The following SLC47A2 variants were observed in gnomAD, a reference collection of about 807,000 sequenced individuals.
SLC47A2 encodes multidrug and toxin extrusion protein 2.
A neutral mutation model predicts 67.7 loss-of-function variants in SLC47A2; 52 were observed. The ratio of observed to expected loss-of-function variants is 0.77; its 90% confidence interval spans 0.61 to 0.97. The LOEUF is 0.97. SLC47A2 is among the 50% of genes least tolerant of loss of function. The pLI, the probability that SLC47A2 is intolerant of heterozygous loss-of-function variation, is 0.00. For missense variants in SLC47A2, 676 were observed against 712.3 expected, an observed-to-expected ratio of 0.95 and a Z score of 0.58; for synonymous variants, 278 against 292.9, an observed-to-expected ratio of 0.95 and a Z score of 0.52.
At chr17:19,709,177 T>C (rs2086029930) in intron 5 of SLC47A2, among the ~76,000 whole-genome samples, 1 of 152,184 alleles carries the variant, frequency 6.6e-6, no homozygotes, top group Non-Finnish European at 1.5e-5. Flanking sequence ...GATTTGAAGG[T>C]GTGACTTCGG....
At chr17:19,714,010 T>C in intron 3 of SLC47A2, 37 bp from the exon 4 acceptor site, 3 of 1,591,992 alleles carry the variant, frequency 1.9e-6, no homozygotes, top group Non-Finnish European at 2.6e-6. Flanking sequence ...CCGTTTCCAC[T>C]GCCCGGGACA....
At chr17:19,702,956 C>T in intron 12 of SLC47A2, 136 bp downstream of exon 12, 1 of 1,021,436 alleles carries the variant, frequency 9.8e-7, no homozygotes, top group Admixed American at 2.2e-5. Flanking sequence ...TTGGCTTCCT[C>T]TCAGTGAGAG....
rs145253907 is a variant in SLC47A2, at chr17:19,697,862, T to C, written c.1164+4743A>G. Among the ~76,000 whole-genome samples the C allele has an allele frequency of 3.8e-3, 582 of 152,144 alleles. 3 individuals carry two copies. The highest frequency in any genetic ancestry group is 0.012 in the African/African-American group (517 of 41,496). ...CTCTTTCTTTAGCCTCCCAAAGTGA[T>C]GGTTTTATAGACTTGAGTCATCACA... On this transcript the variant is annotated intron_variant, in intron 13 of 16. Coordinates refer to ENST00000433844, the MANE Select transcript of SLC47A2 (RefSeq NM_001099646.3).
At chr17:19,714,611 T>C in intron 3 of SLC47A2, 110 bp downstream of exon 3, 1 of 1,308,470 alleles carries the variant, frequency 7.6e-7, no homozygotes, top group Non-Finnish European at 1.1e-6. Flanking sequence ...CCAGGGCCCA[T>C]TGCTCCCAGA....
chr17:19,702,675 C>T lies in SLC47A2; in HGVS notation c.1095-1G>A, dbSNP rs750175660. 6.2e-7 allele frequency: 1 copy of T among 1,613,962 alleles called. No homozygotes were observed. The highest frequency in any genetic ancestry group is 8.5e-7 in the Non-Finnish European group (1 of 1,179,970). On this transcript the variant is annotated splice_acceptor_variant, in intron 12 of 16. Coordinates refer to ENST00000433844, the MANE Select transcript of SLC47A2 (RefSeq NM_001099646.3). LOFTEE classifies it high-confidence loss of function. ...CTGGCTCACCAGGGCAATGACATCT[C>T]TGCAGAAGAAATGAGAAAGCATTAA... is the stretch of plus-strand genomic sequence containing the variant.
At chr17:19,689,047 A>G (rs2085485995) in intron 13 of SLC47A2, among the ~76,000 whole-genome samples, 1 of 151,816 alleles carries the variant, frequency 6.6e-6, no homozygotes, top group Non-Finnish European at 1.5e-5. Context: ...TTATTTTAGT[A>G]GAGATGTACC....
chr17:19,696,677 A>G (rs1209318616), intron 13 of SLC47A2, among the ~76,000 whole-genome samples: 1 of 152,202 alleles, frequency 6.6e-6, no homozygotes, highest in African/African-American at 2.4e-5. Context: ...GGTCTCCAGA[A>G]CTGTAAGACA....
In SLC47A2 at chr17:19,681,646, C is replaced by T. The variant is rs761275367; in HGVS notation, c.1189G>A (p.Gly397Arg). ...ICCVYGGVLR[G>R]TGKQAFGAAV... Reference sequence around the variant, plus strand: ...GCACCAAAGGCCTGCTTCCCAGTTCCTCTCAGAACTCCGCCATAGACACAC... The same window carrying T: ...GCACCAAAGGCCTGCTTCCCAGTTCTTCTCAGAACTCCGCCATAGACACAC... Residue 397 changes from glycine (G) to arginine (R), a missense_variant, in exon 14 of 17, where the codon GGA becomes AGA. By Grantham distance (125) the Gly-to-Arg change is moderately radical. Transcript: ENST00000433844. The T allele has an allele frequency of 5.6e-6, 9 of 1,613,824 alleles. No homozygotes were observed. The highest frequency in any genetic ancestry group is 6.8e-6 in the Non-Finnish European group (8 of 1,179,752).
intron 5 of SLC47A2, among the ~76,000 whole-genome samples, chr17:19,710,849 TTG>T (rs2086074774): frequency 6.6e-6 from 1 of 150,984 alleles, no homozygotes; most frequent in South Asian, 2.1e-4. Flanking sequence ...AGTTTCACTC[TTG>T]TGAGGCTGGA....
At chr17:19,710,811 C>G (rs370071625) in intron 5 of SLC47A2, among the ~76,000 whole-genome samples, 2 of 142,160 alleles carry the variant, frequency 1.4e-5, no homozygotes, top group South Asian at 4.7e-4. Flanking sequence ...TACACATTCA[C>G]AAATCTTTTT....
intron 4 of SLC47A2, 42 bp from the exon 5 acceptor site, chr17:19,712,787 C>A: frequency 6.2e-7 from 1 of 1,600,108 alleles, no homozygotes; most frequent in Non-Finnish European, 8.5e-7. Flanking sequence ...CAGGCTGTGG[C>A]CCGGGGAGGC....
At chr17:19,705,280 TA>T in intron 10 of SLC47A2, 155 bp downstream of exon 10, 2 of 650,744 alleles carry the variant, frequency 3.1e-6, no homozygotes, top group Non-Finnish European at 5.1e-6. Flanking sequence ...AGTCCTGGCG[TA>T]AGCTGAGCAG....
chr17:19,693,724 G>T (rs2085595977), intron 13 of SLC47A2, among the ~76,000 whole-genome samples: 1 of 152,060 alleles, frequency 6.6e-6, no homozygotes, highest in Admixed American at 6.5e-5. Context: ...CTTGAACTTG[G>T]GAGGCGGAGC....
At chr17:19,681,208 A>G (rs1368824363) in intron 15 of SLC47A2, among the ~76,000 whole-genome samples, 159 bp downstream of exon 15, 2 of 151,710 alleles carry the variant, frequency 1.3e-5, no homozygotes, top group Non-Finnish European at 2.9e-5. Context: ...GTGAGACTCC[A>G]TCTCACAAAC....
At chr17:19,700,227 T>C (rs762929501) in intron 13 of SLC47A2, among the ~76,000 whole-genome samples, 5 of 152,238 alleles carry the variant, frequency 3.3e-5, no homozygotes, top group Non-Finnish European at 7.3e-5. Flanking sequence ...TGTATACTTA[T>C]ATATGAATTT....
intron 13 of SLC47A2, chr17:19,702,188 A>G: frequency 1.0e-6 from 1 of 985,148 alleles, no homozygotes; most frequent in Non-Finnish European, 1.2e-6. Context: ...CAGAAAGTCC[A>G]GTTCCTTCTG....
chr17:19,682,329 T>TCTCACA (rs1555537210), intron 13 of SLC47A2, among the ~76,000 whole-genome samples: 1 of 143,784 alleles, frequency 7.0e-6, no homozygotes, highest in Non-Finnish European at 1.5e-5. Flanking sequence ...CGAGACTTGG[T>TCTCACA]CACACACACA....
At chr17:19,711,588 C>CAAAAAAAAAAAAAAAAAAAAAAAAAA (rs35308426) in intron 5 of SLC47A2, among the ~76,000 whole-genome samples, 2 of 33,008 alleles carry the variant, frequency 6.1e-5, no homozygotes, top group Admixed American at 4.4e-4. Flanking sequence ...AACTCCGTCT[C>CAAAAAAAAAAAAAAAAAAAAAAAAAA]AAAAAAAAAA....
At chr17:19,680,471 C>T (rs973905444) in intron 15 of SLC47A2, among the ~76,000 whole-genome samples, 2 of 152,208 alleles carry the variant, frequency 1.3e-5, no homozygotes, top group Non-Finnish European at 2.9e-5. Context: ...CAGAGCGATA[C>T]TCCATCTCAA....
Sources: allele counts gnomAD v4.1 joint callset (sites outside exome capture counted in the v4.1 genomes callset), GRCh38; gene constraint gnomAD v4.1.1; transcripts MANE v1.5; gene names NCBI Gene and HGNC (gene_info 2026-07-23, HGNC 2026-07-21).